SESN1: variants seen among roughly 807,000 people sequenced by gnomAD.
SESN1 encodes sestrin 1, also known as sestrin-1.
SESN1 carries 30 observed loss-of-function variants against 59.3 expected under a neutral mutation model. That is an observed-to-expected ratio of 0.51 (90% CI 0.38 to 0.69). The LOEUF is 0.69. SESN1 is among the 30% of genes least tolerant of loss of function. The probability of loss-of-function intolerance (pLI) is 0.00; values close to 1 mark genes in which losing one functional copy is unlikely to be tolerated. For synonymous variants in SESN1, 197 were observed against 219.9 expected, an observed-to-expected ratio of 0.90 and a Z score of 0.92; for missense variants, 566 against 673.0, an observed-to-expected ratio of 0.84 and a Z score of 1.76.
intron 1 of SESN1, among the ~76,000 whole-genome samples, chr6:109,007,972 A>G (rs1306604974): frequency 1.3e-5 from 2 of 152,118 alleles, no homozygotes; most frequent in Non-Finnish European, 2.9e-5. Context: ...GAATTGTGTT[A>G]TTCTTTTTGT....
chr6:109,059,221 T>C (rs1413843839), intron 1 of SESN1, among the ~76,000 whole-genome samples: 1 of 152,108 alleles, frequency 6.6e-6, no homozygotes, highest in Non-Finnish European at 1.5e-5. Context: ...TAAAAAACAG[T>C]CTAAGATCTT....
intron 1 of SESN1, among the ~76,000 whole-genome samples, chr6:109,016,601 C>A (rs1456668158): frequency 6.6e-6 from 1 of 152,172 alleles, no homozygotes. Context: ...GTCTGTTCTT[C>A]TGCCCTCCCA....
In SESN1 at chr6:109,089,887, T is replaced by C. The variant is rs1364607233; in HGVS notation, c.279+3908A>G. Reference sequence around the variant, plus strand: ...ATAGGCTAGTAGGACAACCTCCTAATTGATGTCACACATCCACTTTTGACC... The same window carrying C: ...ATAGGCTAGTAGGACAACCTCCTAACTGATGTCACACATCCACTTTTGACC... On this transcript the variant is annotated intron_variant, in intron 1 of 9. Transcript: ENST00000436639. Among the ~76,000 whole-genome samples, 16 of 152,340 alleles carry C rather than the reference T, an allele frequency of 1.1e-4. No homozygotes were observed. In the East Asian group the frequency reaches 2.5e-3, roughly 24 times the overall value.
chr6:108,988,050 TC>T (rs1779247642), intron 9 of SESN1, among the ~76,000 whole-genome samples: 2 of 152,176 alleles, frequency 1.3e-5, no homozygotes, highest in Admixed American at 6.5e-5. Context: ...TGCCTTGGCC[TC>T]CCCAAGTGCT....
At chr6:109,011,735 C>T (rs1779861564) in intron 1 of SESN1, among the ~76,000 whole-genome samples, 1 of 150,582 alleles carries the variant, frequency 6.6e-6, no homozygotes, top group African/African-American at 2.4e-5. Flanking sequence ...CTCAAGTGAT[C>T]CTCCCACCTC....
chr6:109,054,922 T>C (rs954334970), intron 1 of SESN1, among the ~76,000 whole-genome samples: 2 of 152,250 alleles, frequency 1.3e-5, no homozygotes, highest in Non-Finnish European at 2.9e-5. Flanking sequence ...AGATCTTCCC[T>C]AACTTAAGGT....
intron 1 of SESN1, among the ~76,000 whole-genome samples, chr6:109,033,582 G>A (rs1780213480): frequency 6.6e-6 from 1 of 152,050 alleles, no homozygotes; most frequent in Non-Finnish European, 1.5e-5. Context: ...GAATGAATCT[G>A]AACTTTGTAA....
Position 109,060,377 on chromosome 6 carries a change from T to C in SESN1, c.279+33418A>G, listed in dbSNP as rs563112931. On this transcript the variant is annotated intron_variant, in intron 1 of 9. Transcript: ENST00000436639. ...CTTAAAGCACCTGTTTATAAAACTTTACAATTTCTAATTGGGAGTGGCAAG... is the reference window on the plus strand; with the variant it reads ...CTTAAAGCACCTGTTTATAAAACTTCACAATTTCTAATTGGGAGTGGCAAG... Among the ~76,000 whole-genome samples, 2 of 152,364 alleles carry C rather than the reference T, an allele frequency of 1.3e-5. 1 individual carries two copies. Among genetic ancestry groups the C allele is most frequent in the South Asian group, 4.1e-4 (2 of 4,832 alleles).
At chr6:109,079,437 C>A (rs935541324) in intron 1 of SESN1, among the ~76,000 whole-genome samples, 2 of 152,008 alleles carry the variant, frequency 1.3e-5, no homozygotes, top group African/African-American at 4.8e-5. Context: ...AGATTTTTAG[C>A]GCACATATCA....
chr6:109,046,727 G>T (rs1156711499), intron 1 of SESN1, among the ~76,000 whole-genome samples: 2 of 133,028 alleles, frequency 1.5e-5, no homozygotes, highest in Non-Finnish European at 3.3e-5. Context: ...GAGCGCCTCT[G>T]CCCCGCCGCC....
Position 108,986,999 on chromosome 6 carries a change from CAAG to C in SESN1, c.*542_*544del, listed in dbSNP as rs1779215900. The C allele has an allele frequency of 6.6e-6, 1 of 152,528 alleles. No homozygotes were observed. The highest frequency in any genetic ancestry group is 2.4e-5 in the African/African-American group (1 of 41,400). The allele number at this position is 152,528 out of a possible 1,614,324, so 9.4% of individuals were successfully genotyped here. A position where few individuals can be genotyped will look rare whatever the true frequency, so the allele number is the denominator to read the frequency against. On this transcript the variant is annotated 3_prime_UTR_variant, in exon 10 of 10. Transcript: ENST00000436639. ...TAGGAATTCTATGCTTTTTTAGATG[CAAG>C]AAAATTAACACATAATGCAAGTTTA...
chr6:109,001,247 A>G, intron 3 of SESN1, 41 bp downstream of exon 3: 2 of 1,561,480 alleles, frequency 1.3e-6, no homozygotes, highest in Non-Finnish European at 1.8e-6. Flanking sequence ...AGAGATTAAT[A>G]AAAATAGGCA....
intron 1 of SESN1, among the ~76,000 whole-genome samples, chr6:109,019,006 T>C (rs1779968807): frequency 6.6e-6 from 1 of 152,212 alleles, no homozygotes; most frequent in Admixed American, 6.5e-5. Flanking sequence ...TCAAATTTTC[T>C]GAAAATATAA....
intron 1 of SESN1, among the ~76,000 whole-genome samples, chr6:109,020,549 T>C (rs1779994029): frequency 6.6e-6 from 1 of 152,134 alleles, no homozygotes; most frequent in Non-Finnish European, 1.5e-5. Flanking sequence ...AAATGCAGGA[T>C]CAAGCAAACT....
chr6:109,024,637 T>C (rs1372609905), intron 1 of SESN1, among the ~76,000 whole-genome samples: 1 of 152,222 alleles, frequency 6.6e-6, no homozygotes, highest in Non-Finnish European at 1.5e-5. Flanking sequence ...ACACCAAATC[T>C]TCTACATTAT....
intron 5 of SESN1, among the ~76,000 whole-genome samples, chr6:108,996,895 G>A (rs1461761208): frequency 6.6e-6 from 1 of 152,116 alleles, no homozygotes; most frequent in Non-Finnish European, 1.5e-5. Flanking sequence ...AACAGACATG[G>A]AAGAAATTTA....
At chr6:109,051,831 C>T (rs764286185) in intron 1 of SESN1, among the ~76,000 whole-genome samples, 6 of 152,204 alleles carry the variant, frequency 3.9e-5, no homozygotes, top group African/African-American at 2.4e-5. Flanking sequence ...TATCTCCTTA[C>T]ATGACAGAAG....
chr6:109,064,573 G>A (rs1209452417), intron 1 of SESN1, among the ~76,000 whole-genome samples: 2 of 80,668 alleles, frequency 2.5e-5, no homozygotes, highest in African/African-American at 6.0e-5. Context: ...GAGAGGAGGG[G>A]AGAGGAGAGG....
At chr6:109,079,357 A>G (rs1781082936) in intron 1 of SESN1, among the ~76,000 whole-genome samples, 1 of 152,200 alleles carries the variant, frequency 6.6e-6, no homozygotes, top group Non-Finnish European at 1.5e-5. Flanking sequence ...AATGAGGTAT[A>G]ACAGTTAGAC....
Sources: allele counts gnomAD v4.1 joint callset (sites outside exome capture counted in the v4.1 genomes callset), GRCh38; gene constraint gnomAD v4.1.1; transcripts MANE v1.5; gene names NCBI Gene and HGNC (gene_info 2026-07-23, HGNC 2026-07-21).